The following TRPV1 variants were observed in gnomAD, a reference collection of about 807,000 sequenced individuals.
TRPV1 encodes the protein transient receptor potential cation channel subfamily V member 1, also known as OTRPC1.
Under a neutral mutation model 82.3 loss-of-function variants are expected in TRPV1, and 82 were observed. That is an observed-to-expected ratio of 1.00 (90% CI 0.83 to 1.20). TRPV1 has a LOEUF of 1.20. Ranked by LOEUF, TRPV1 falls within the 50% of genes most tolerant of loss-of-function variation. The pLI, the probability that TRPV1 is intolerant of heterozygous loss-of-function variation, is 0.00. For synonymous variants in TRPV1, 515 were observed against 467.7 expected (o/e 1.10, Z -1.30); for missense variants, 1,067 against 1,096.8 (o/e 0.97, Z 0.38).
At chr17:3,577,980 C>T (rs2074957159) in intron 11 of TRPV1, 1 of 535,478 alleles carries the variant, frequency 1.9e-6, no homozygotes, top group Non-Finnish European at 3.4e-6. Flanking sequence ...TGCAAAATCT[C>T]ACTCTTTATG....
At chr17:3,574,917 C>CA (rs55990804) in intron 13 of TRPV1, among the ~76,000 whole-genome samples, 1,601 of 82,758 alleles carry the variant, frequency 0.019, 60 homozygotes, top group African/African-American at 0.06. Context: ...GACTCTATCT[C>CA]AAAAAAAAAA....
chr17:3,596,578 G>A (rs2075221764), intron 2 of TRPV1, among the ~76,000 whole-genome samples: 1 of 152,184 alleles, frequency 6.6e-6, no homozygotes, highest in South Asian at 2.1e-4. Flanking sequence ...CCACACACCA[G>A]CAATCTCAGC....
At chr17:3,589,676 C>A (rs2075128602) in intron 7 of TRPV1, 131 bp downstream of exon 7, 3 of 1,134,396 alleles carry the variant, frequency 2.6e-6, no homozygotes, top group Non-Finnish European at 3.7e-6. Flanking sequence ...AACAGCCCTA[C>A]AGGCTGGTAT....
intron 7 of TRPV1, among the ~76,000 whole-genome samples, chr17:3,589,599 A>T (rs951403377): frequency 1.2e-4 from 19 of 152,262 alleles, no homozygotes; most frequent in Non-Finnish European, 1.8e-4. Flanking sequence ...AGAGCTGGAA[A>T]TTCAAAATGG....
chr17:3,587,000 CTT>C (rs1253866910), intron 8 of TRPV1, among the ~76,000 whole-genome samples: 1 of 152,160 alleles, frequency 6.6e-6, no homozygotes, highest in Non-Finnish European at 1.5e-5. Flanking sequence ...GGGAATACCT[CTT>C]CTTTGGTCTT....
At position 3,591,085 on chromosome 17, in the gene TRPV1, T is replaced by C. The variant is rs2075151417; in HGVS notation, c.483A>G (p.Lys161=). ...DPETGKTCLL[K]AMLNLHDGQN... ...GTCCGTCGTGCAGGTTGAGCATGGCTTTCAGCAGACAGGTCTTCCCTGTCT... is the reference window on the plus strand; with the variant it reads ...GTCCGTCGTGCAGGTTGAGCATGGCCTTCAGCAGACAGGTCTTCCCTGTCT... Residue 161 remains lysine (K), a synonymous_variant, in exon 5 of 17, where the codon AAA becomes AAG. Transcript: ENST00000572705. 3 of 1,613,064 alleles carry C rather than the reference T, an allele frequency of 1.9e-6. No homozygotes were observed. Among genetic ancestry groups the C allele is most frequent in the Non-Finnish European group, 2.5e-6 (3 of 1,179,650 alleles).
intron 11 of TRPV1, 112 bp downstream of exon 11, chr17:3,580,345 A>G: frequency 9.6e-7 from 1 of 1,046,746 alleles, no homozygotes; most frequent in Non-Finnish European, 1.5e-6. Flanking sequence ...TTCCCTCAGC[A>G]TGTTCACTGA....
chr17:3,577,515 A>C (rs931216946), intron 12 of TRPV1, 83 bp downstream of exon 12: 24 of 1,464,426 alleles, frequency 1.6e-5, no homozygotes, highest in Admixed American at 4.0e-5. Flanking sequence ...GACAGAGAGG[A>C]TGGGCGGAGT....
chr17:3,578,419 G>A (rs1057306766), intron 11 of TRPV1: 2 of 152,196 alleles, frequency 1.3e-5, no homozygotes, highest in East Asian at 3.9e-4. Flanking sequence ...CAGAACTTTG[G>A]GAGGCAGATC....
chr17:3,593,031 C>T (rs1276591087), intron 2 of TRPV1, among the ~76,000 whole-genome samples: 1 of 151,570 alleles, frequency 6.6e-6, no homozygotes, highest in Non-Finnish European at 1.5e-5. Context: ...TGCTTTTTGT[C>T]ATTTTTATGA....
intron 2 of TRPV1, among the ~76,000 whole-genome samples, chr17:3,599,632 C>CTTTTTTTT (rs34701684): frequency 2.1e-5 from 3 of 141,564 alleles, no homozygotes; most frequent in East Asian, 2.1e-4. Context: ...TTTTTCTTTT[C>CTTTTTTTT]TTTTTTTTTT....
intron 13 of TRPV1, 125 bp from the exon 14 acceptor site, chr17:3,574,080 T>A (rs1239585393): frequency 2.3e-6 from 2 of 864,770 alleles, no homozygotes; most frequent in African/African-American, 3.4e-5. Flanking sequence ...AAAGCATCCC[T>A]TCTTTAAAAC....
rs1422206452 is a variant in TRPV1, at chr17:3,584,409, AAAAAAAATAAAAT to A, written c.1384-992_1384-980del. 2.5e-3 allele frequency among the ~76,000 whole-genome samples: 209 copies of A among 84,014 alleles called. 37 individuals are homozygous for A. In the East Asian group the frequency reaches 0.034, roughly 14 times the overall value. The allele number at this position is 84,014 out of a possible 152,430, so 55.1% of individuals were successfully genotyped here. A position where few individuals can be genotyped will look rare whatever the true frequency, so the allele number is the denominator to read the frequency against. Reference sequence around the variant, plus strand: ...CAGAGAGAGACTCTGTCTCAAAAAAAAAAAAAATAAAATAAAAAAAAAAGGAAGTCATTATGTG... The same window carrying A: ...CAGAGAGAGACTCTGTCTCAAAAAAAAAAAAAAAAAGGAAGTCATTATGTG... On this transcript the variant is annotated intron_variant, in intron 9 of 16. Coordinates refer to ENST00000572705, the MANE Select transcript of TRPV1 (RefSeq NM_080704.4).
chr17:3,594,161 AGC>A, intron 2 of TRPV1, among the ~76,000 whole-genome samples: 2 of 110,278 alleles, frequency 1.8e-5, no homozygotes, highest in African/African-American at 3.0e-4. Flanking sequence ...AAGAAGCAGC[AGC>A]AGCAGCAGCA....
intron 16 of TRPV1, among the ~76,000 whole-genome samples, chr17:3,570,708 G>T (rs2074840955): frequency 6.6e-6 from 1 of 151,866 alleles, no homozygotes; most frequent in South Asian, 2.1e-4. Context: ...TTTTCTCAGG[G>T]TTTTTCTATT....
chr17:3,597,533 C>T (rs936470803), intron 2 of TRPV1, among the ~76,000 whole-genome samples: 2 of 152,136 alleles, frequency 1.3e-5, no homozygotes, highest in Non-Finnish European at 2.9e-5. Context: ...TCTCTTAGGC[C>T]TCTCGTTCCT....
At chr17:3,587,486 A>G (rs1190421603) in intron 8 of TRPV1, among the ~76,000 whole-genome samples, 1 of 152,212 alleles carries the variant, frequency 6.6e-6, no homozygotes, top group Non-Finnish European at 1.5e-5. Context: ...ATTTGGAGCC[A>G]AAATATTTAA....
intron 2 of TRPV1, among the ~76,000 whole-genome samples, chr17:3,603,825 C>T (rs2075280063): frequency 6.6e-6 from 1 of 152,208 alleles, no homozygotes; most frequent in Non-Finnish European, 1.5e-5. Context: ...TTGGCCTGTC[C>T]ATCTACCTGT....
At position 3,577,651 on chromosome 17, in the gene TRPV1, A is replaced by T; in HGVS notation, c.1660T>A (p.Tyr554Asn). Residue 554 changes from tyrosine to asparagine, a missense_variant, in exon 12 of 17, where the codon TAC becomes AAC. By Grantham distance (143) the Tyr-to-Asn change is moderately radical. Coordinates refer to ENST00000572705, the MANE Select transcript of TRPV1 (RefSeq NM_080704.4). ...ATCTGCTGGAAACCGCGGGTGTAGTAGAGCATGTTGGTCCAGCCCAAGGCC... is the reference window on the plus strand; with the variant it reads ...ATCTGCTGGAAACCGCGGGTGTAGTTGAGCATGTTGGTCCAGCCCAAGGCC... Reference protein sequence around the residue: ...SLALGWTNMLYYTRGFQQMGI... With the variant: ...SLALGWTNMLNYTRGFQQMGI... 6.3e-7 allele frequency: 1 copy of T among 1,586,556 alleles called. No homozygotes were observed. The highest frequency in any genetic ancestry group is 8.6e-7 in the Non-Finnish European group (1 of 1,166,796).
Sources: gnomAD v4.1 joint callset for allele counts (sites outside exome capture counted in the v4.1 genomes callset) on GRCh38, gnomAD v4.1.1 for gene constraint, MANE v1.5 for transcripts, NCBI Gene and HGNC (gene_info 2026-07-23, HGNC 2026-07-21) for gene names.